PAK2: variants seen among roughly 807,000 people sequenced by gnomAD.
PAK2 encodes serine/threonine-protein kinase PAK 2.
A neutral mutation model predicts 65.9 loss-of-function variants in PAK2; 21 were observed. The observed-to-expected ratio is 0.32, with a 90% CI of 0.23 to 0.46. PAK2 has a LOEUF of 0.46. PAK2 is among the 20% of genes least tolerant of loss of function. The pLI, the probability that PAK2 is intolerant of heterozygous loss-of-function variation, is 1.00. For synonymous variants in PAK2, 204 were observed against 219.7 expected (o/e 0.93, Z 0.63); for missense variants, 324 against 642.6 (o/e 0.50, Z 5.36).
At chr3:196,772,587 T>C (rs1341786731) in intron 1 of PAK2, among the ~76,000 whole-genome samples, 1 of 152,222 alleles carries the variant, frequency 6.6e-6, no homozygotes, top group Non-Finnish European at 1.5e-5. Flanking sequence ...CTGGATTTGC[T>C]ACTAGTGGGA....
intron 14 of PAK2, 77 bp downstream of exon 14, chr3:196,827,410 T>C: frequency 6.5e-7 from 1 of 1,545,038 alleles, no homozygotes; most frequent in Non-Finnish European, 8.7e-7. Context: ...CTAGGGCTAA[T>C]AAGTAGATTT....
intron 2 of PAK2, among the ~76,000 whole-genome samples, chr3:196,798,084 A>G (rs1019036460): frequency 6.6e-6 from 1 of 152,174 alleles, no homozygotes; most frequent in Non-Finnish European, 1.5e-5. Context: ...AAGTAAGTAG[A>G]AGAAAGGAAA....
chr3:196,810,670 G>C lies in PAK2; in HGVS notation c.773+17G>C, dbSNP rs769826443. 4.9e-6 allele frequency: 6 copies of C among 1,220,994 alleles called. No individual in the cohort carries two copies. The highest frequency in any genetic ancestry group is 7.3e-6 in the Non-Finnish European group (6 of 824,368). The allele number at this position is 1,220,994 out of a possible 1,614,324, so 75.6% of individuals were successfully genotyped here. A position where few individuals can be genotyped will look rare whatever the true frequency, so the allele number is the denominator to read the frequency against. On this transcript the variant is annotated intron_variant, in intron 8 of 14. Transcript: ENST00000327134. ...TGGACAAGGGTAAGTATTTGTGACT[G>C]TATTACGATAATATTCAGTATTCAG...
chr3:196,756,179 T>C (rs1299891102), intron 1 of PAK2, among the ~76,000 whole-genome samples: 1 of 152,202 alleles, frequency 6.6e-6, no homozygotes, highest in African/African-American at 2.4e-5. Context: ...TGTCATTGTT[T>C]CAGTTTTTTA....
At chr3:196,751,796 A>G (rs35604781) in intron 1 of PAK2, among the ~76,000 whole-genome samples, 78,632 of 130,694 alleles carry the variant, frequency 0.6, 24,351 homozygotes, top group African/African-American at 0.68. Flanking sequence ...AGGTTGGAGT[A>G]CAATGGCGCA....
intron 11 of PAK2, 131 bp downstream of exon 11, chr3:196,814,699 C>A: frequency 1.6e-6 from 1 of 625,320 alleles, no homozygotes. Context: ...CTGCAAATTA[C>A]TCCATCTCCG....
chr3:196,819,590 C>A lies in PAK2; in HGVS notation c.1154-781C>A, dbSNP rs931975742. ...GATATTATTCATGCATATGTACATG[C>A]ATAACCAACAGTCTAAAGCTTACAA... On this transcript the variant is annotated intron_variant, in intron 12 of 14. Coordinates refer to ENST00000327134, the MANE Select transcript of PAK2 (RefSeq NM_002577.4). Among the ~76,000 whole-genome samples the A allele has an allele frequency of 6.6e-5, 10 of 152,128 alleles. No individual in the cohort carries two copies. In the East Asian group the frequency reaches 1.3e-3, roughly 20 times the overall value.
chr3:196,800,218 C>T (rs754161286), intron 2 of PAK2, among the ~76,000 whole-genome samples: 1 of 151,958 alleles, frequency 6.6e-6, no homozygotes, highest in Non-Finnish European at 1.5e-5. Flanking sequence ...CCATCTCTAC[C>T]AGAAATTATA....
chr3:196,769,817 A>AAAAAAG (rs371313478), intron 1 of PAK2, among the ~76,000 whole-genome samples: 5 of 48,184 alleles, frequency 1.0e-4, no homozygotes, highest in East Asian at 3.5e-4. Flanking sequence ...ACTCTGTCTC[A>AAAAAAG]AAAAAGAAAA....
chr3:196,789,517 C>G (rs1207412834), intron 2 of PAK2, among the ~76,000 whole-genome samples: 1 of 150,960 alleles, frequency 6.6e-6, no homozygotes, highest in Non-Finnish European at 1.5e-5. Context: ...GGCTGGAATG[C>G]AATGGCGTGG....
intron 1 of PAK2, among the ~76,000 whole-genome samples, chr3:196,772,320 G>A (rs894423140): frequency 6.6e-6 from 1 of 152,114 alleles, no homozygotes; most frequent in African/African-American, 2.4e-5. Flanking sequence ...TGAGGTCTCT[G>A]GGGTTTAGTC....
In PAK2 at chr3:196,791,541, C is replaced by CTAGA. The variant is rs1715068056; in HGVS notation, c.187+8711_187+8714dup. The stretch of plus-strand genomic sequence containing the variant: ...ACAACAGGAACCAGGAATACTCTTG[C>CTAGA]TAGATATGTTATCTCTCACCCTTCT... On this transcript the variant is annotated intron_variant, in intron 2 of 14. Coordinates refer to ENST00000327134, the MANE Select transcript of PAK2 (RefSeq NM_002577.4). This position sits in a 1 kb window ranked among gnomAD's most constrained non-coding sequence, Gnocchi z 4.0. Among the ~76,000 whole-genome samples the CTAGA allele has an allele frequency of 6.6e-6, 1 of 152,324 alleles. No individual in the cohort carries two copies. The highest frequency in any genetic ancestry group is 1.9e-4 in the East Asian group (1 of 5,194).
At chr3:196,780,011 C>T (rs1714656458) in intron 1 of PAK2, among the ~76,000 whole-genome samples, 1 of 152,208 alleles carries the variant, frequency 6.6e-6, no homozygotes, top group East Asian at 1.9e-4. Flanking sequence ...CAAGACAGGG[C>T]CCCTCTTGTA....
At chr3:196,743,646 A>G (rs576426680) in intron 1 of PAK2, among the ~76,000 whole-genome samples, 1 of 152,226 alleles carries the variant, frequency 6.6e-6, no homozygotes, top group African/African-American at 2.4e-5. Flanking sequence ...TCAGGAGTTC[A>G]AGACCAGCCT....
chr3:196,810,538 C>T (rs1321246065), intron 7 of PAK2, 52 bp from the exon 8 acceptor site: 9 of 912,760 alleles, frequency 9.9e-6, no homozygotes, highest in Non-Finnish European at 1.6e-5. Flanking sequence ...ATATCACAAT[C>T]AATTTACACT....
Position 196,829,048 on chromosome 3 carries a change from G to A in PAK2, c.*643G>A, listed in dbSNP as rs1711976856. 1.3e-5 allele frequency: 2 copies of A among 152,646 alleles called. No individual in the cohort carries two copies. The highest frequency in any genetic ancestry group is 2.9e-5 in the Non-Finnish European group (2 of 68,058). The allele number at this position is 152,646 out of a possible 1,614,324, so 9.5% of individuals were successfully genotyped here. ...GTGATTTTTACCTTTTTTAACAAAT[G>A]TGAAAAAGTCAGTTTTAGAAATTTC... On this transcript the variant is annotated 3_prime_UTR_variant, in exon 15 of 15. Transcript: ENST00000327134.
chr3:196,826,031 T>C (rs768009820), intron 13 of PAK2, among the ~76,000 whole-genome samples: 2 of 148,902 alleles, frequency 1.3e-5, no homozygotes, highest in Non-Finnish European at 3.0e-5. Context: ...TTTGTATTTT[T>C]AGTAGCGATG....
At chr3:196,780,956 CTT>C (rs1321852868) in intron 1 of PAK2, among the ~76,000 whole-genome samples, 1 of 152,058 alleles carries the variant, frequency 6.6e-6, no homozygotes, top group Admixed American at 6.6e-5. Context: ...ACCTGGCTAA[CTT>C]TTTGTGTGTT....
At chr3:196,826,480 T>C (rs76057798) in intron 13 of PAK2, among the ~76,000 whole-genome samples, 1 of 152,110 alleles carries the variant, frequency 6.6e-6, no homozygotes, top group African/African-American at 2.4e-5. Flanking sequence ...CCTTGGTTTT[T>C]TTTTGTTTTG....
Sources: gnomAD v4.1 joint callset for allele counts (sites outside exome capture counted in the v4.1 genomes callset) on GRCh38, gnomAD v4.1.1 for gene constraint, Gnocchi (gnomAD v3.1) non-coding constraint, MANE v1.5 for transcripts, NCBI Gene and HGNC (gene_info 2026-07-23, HGNC 2026-07-21) for gene names.